The following PHACTR1 variants were observed in gnomAD, a reference collection of about 807,000 sequenced individuals.
The protein encoded by PHACTR1 is RPEL repeat containing 1.
A neutral mutation model predicts 69.2 loss-of-function variants in PHACTR1; 16 were observed. The observed-to-expected ratio is 0.23, with a 90% CI of 0.16 to 0.35. PHACTR1 has a LOEUF of 0.35. Ranked by LOEUF, PHACTR1 falls within the 10% of genes least tolerant of loss-of-function variation. The pLI is 1.00. For synonymous variants in PHACTR1, 312 were observed against 284.5 expected (o/e 1.10, Z -0.97); for missense variants, 510 against 734.7 (o/e 0.69, Z 3.54).
Position 12,880,132 on chromosome 6 carries a change from T to C in PHACTR1, c.250+130342T>C, listed in dbSNP as rs533358512. On this transcript the variant is annotated intron_variant, in intron 4 of 14. Transcript: ENST00000332995. ...TACTATGATCACCAAGTCTATTTCATAAATGAGGAAATGGAACTCCAGAGA... is the reference window on the plus strand; with the variant it reads ...TACTATGATCACCAAGTCTATTTCACAAATGAGGAAATGGAACTCCAGAGA... Among the ~76,000 whole-genome samples, 462 of 152,178 alleles carry C rather than the reference T, an allele frequency of 3.0e-3. 1 individual carries two copies. Among genetic ancestry groups the C allele is most frequent in the African/African-American group, 0.01 (421 of 41,520 alleles).
intron 4 of PHACTR1, among the ~76,000 whole-genome samples, chr6:12,969,605 C>T (rs1793925267): frequency 6.6e-6 from 1 of 152,084 alleles, no homozygotes; most frequent in Admixed American, 6.5e-5. Context: ...AATACTTAGA[C>T]ACATAATTGA....
At chr6:12,910,131 T>C (rs577093159) in intron 4 of PHACTR1, among the ~76,000 whole-genome samples, 275 of 152,276 alleles carry the variant, frequency 1.8e-3, no homozygotes, top group Admixed American at 3.4e-3. Flanking sequence ...TATAAAACAC[T>C]TGGGGCCCCA....
Position 13,220,827 on chromosome 6 carries a change from CTTCAA to C in PHACTR1, c.987-6983_987-6979del, listed in dbSNP as rs202123745. On this transcript the variant is annotated intron_variant, in intron 8 of 14. Transcript: ENST00000332995. ...TGTGGTGTATTCTGATTGTGTGTGACTTCAATTCAAATATTTGATCAACTTATCCA... is the reference window on the plus strand; with the variant it reads ...TGTGGTGTATTCTGATTGTGTGTGACTTCAAATATTTGATCAACTTATCCA... 9.3e-3 allele frequency among the ~76,000 whole-genome samples: 1,421 copies of C among 152,270 alleles called. 19 individuals are homozygous for C. The highest frequency in any genetic ancestry group is 0.03 in the African/African-American group (1,227 of 41,534).
chr6:12,981,165 T>C (rs756354298), intron 4 of PHACTR1, among the ~76,000 whole-genome samples: 1 of 152,246 alleles, frequency 6.6e-6, no homozygotes, highest in Non-Finnish European at 1.5e-5. Flanking sequence ...GCCTTTTCAA[T>C]AGGTGAATGT....
chr6:12,733,520 TC>T, intron 3 of PHACTR1, among the ~76,000 whole-genome samples: 1 of 152,206 alleles, frequency 6.6e-6, no homozygotes, highest in Non-Finnish European at 1.5e-5. Context: ...CCCTACAACA[TC>T]CTGCCTTTCT....
intron 4 of PHACTR1, among the ~76,000 whole-genome samples, chr6:12,952,762 TGTTTA>T (rs1231598957): frequency 6.6e-5 from 10 of 152,208 alleles, no homozygotes; most frequent in Non-Finnish European, 1.5e-4. Flanking sequence ...TATGATAATA[TGTTTA>T]GTTTTGTAAG....
intron 5 of PHACTR1, among the ~76,000 whole-genome samples, chr6:13,069,972 G>A (rs1052836998): frequency 3.9e-5 from 6 of 152,082 alleles, no homozygotes; most frequent in African/African-American, 1.2e-4. Flanking sequence ...CTCCATGGTC[G>A]CACTGGACTC....
chr6:12,982,191 T>C (rs10948372), intron 4 of PHACTR1, among the ~76,000 whole-genome samples: 33,063 of 152,142 alleles, frequency 0.22, 4,322 homozygotes, highest in African/African-American at 0.36. Context: ...CTCATGTGAC[T>C]TCCCCCAAGT....
chr6:12,926,911 G>A (rs1788331047), intron 4 of PHACTR1, among the ~76,000 whole-genome samples: 1 of 152,206 alleles, frequency 6.6e-6, no homozygotes, highest in Non-Finnish European at 1.5e-5. Context: ...AAGTCACCAA[G>A]TCTTTTCATG....
intron 10 of PHACTR1, among the ~76,000 whole-genome samples, chr6:13,239,246 G>T (rs1274607397): frequency 6.6e-6 from 1 of 152,216 alleles, no homozygotes; most frequent in Non-Finnish European, 1.5e-5. Context: ...GAAATTGTGT[G>T]TTGGGAGCAA....
intron 4 of PHACTR1, among the ~76,000 whole-genome samples, chr6:12,777,040 T>C (rs1275924825): frequency 6.6e-6 from 1 of 152,162 alleles, no homozygotes; most frequent in East Asian, 1.9e-4. Flanking sequence ...TTTTCAATTG[T>C]CCCACAAAAA....
intron 4 of PHACTR1, among the ~76,000 whole-genome samples, chr6:12,798,785 CA>C (rs1004206830): frequency 2.0e-5 from 3 of 152,288 alleles, no homozygotes; most frequent in African/African-American, 7.2e-5. Flanking sequence ...GATGCATAAT[CA>C]AGATGCATAC....
Position 12,808,850 on chromosome 6 carries a change from C to CCTT in PHACTR1, c.250+59070_250+59072dup, listed in dbSNP as rs373692714. 9.1e-3 allele frequency among the ~76,000 whole-genome samples: 1,366 copies of CCTT among 150,684 alleles called. 25 individuals are homozygous for CCTT. Among genetic ancestry groups the CCTT allele is most frequent in the African/African-American group, 0.032 (1,295 of 40,794 alleles). ...TCCCCCTCCCCCTCCTCCTCCTCCT[C>CCTT]CTTCTTCTTCTTTTCTTCTTTCTTT... On this transcript the variant is annotated intron_variant, in intron 4 of 14. Coordinates refer to ENST00000332995, the MANE Select transcript of PHACTR1 (RefSeq NM_030948.6).
chr6:12,733,239 G>A (rs775639816), intron 3 of PHACTR1, among the ~76,000 whole-genome samples: 10 of 152,170 alleles, frequency 6.6e-5, no homozygotes, highest in African/African-American at 1.2e-4. Context: ...GAGCTGGAAG[G>A]TACTTAATTT....
chr6:13,099,935 G>A (rs560966740), intron 5 of PHACTR1, among the ~76,000 whole-genome samples: 1 of 152,308 alleles, frequency 6.6e-6, no homozygotes, highest in Non-Finnish European at 1.5e-5. Context: ...TTGATTTAAT[G>A]TCACAACAAG....
At chr6:13,056,789 G>A (rs1400947565) in intron 5 of PHACTR1, among the ~76,000 whole-genome samples, 1 of 152,194 alleles carries the variant, frequency 6.6e-6, no homozygotes, top group Non-Finnish European at 1.5e-5. Flanking sequence ...CAATCTAATA[G>A]GATTCTTGCT....
chr6:13,014,009 G>C (rs1397541034), intron 4 of PHACTR1, among the ~76,000 whole-genome samples: 1 of 152,106 alleles, frequency 6.6e-6, no homozygotes, highest in Non-Finnish European at 1.5e-5. Flanking sequence ...TTTATTTGCT[G>C]AGGATGAAGC....
At position 13,248,285 on chromosome 6, in the gene PHACTR1, G is replaced by A. The variant is rs978625165; in HGVS notation, c.1391+18092G>A. Among the ~76,000 whole-genome samples the A allele has an allele frequency of 4.6e-5, 7 of 152,188 alleles. No homozygotes were observed. In the South Asian group the frequency reaches 1.2e-3, roughly 27 times the overall value. ...CTCAGGCAGCTCCCAGGAGGAAACC[G>A]TAAATGCATATAGCTTTGTCTAGGC... On this transcript the variant is annotated intron_variant, in intron 10 of 14. Coordinates refer to ENST00000332995, the MANE Select transcript of PHACTR1 (RefSeq NM_030948.6).
chr6:13,108,828 A>C (rs1021113653), intron 5 of PHACTR1, among the ~76,000 whole-genome samples: 3 of 152,046 alleles, frequency 2.0e-5, no homozygotes, highest in Non-Finnish European at 4.4e-5. Flanking sequence ...GTTGGATCTC[A>C]TCTACCATTC....
Sources: allele counts gnomAD v4.1 joint callset (sites outside exome capture counted in the v4.1 genomes callset), GRCh38; gene constraint gnomAD v4.1.1; transcripts MANE v1.5; gene names NCBI Gene and HGNC (gene_info 2026-07-23, HGNC 2026-07-21).